PDE4D: variants seen among roughly 807,000 people sequenced by gnomAD.
PDE4D encodes phosphodiesterase 4D.
In PDE4D, 24 loss-of-function variants were observed where a neutral mutation model predicts 87.4. That is an observed-to-expected ratio of 0.27 (90% CI 0.20 to 0.39). The LOEUF is 0.39. Ranked by LOEUF, PDE4D falls within the 10% of genes least tolerant of loss-of-function variation. PDE4D has a pLI of 1.00. For synonymous variants in PDE4D, 384 were observed against 383.2 expected (o/e 1.00, Z -0.02); for missense variants, 714 against 1,041.0 (o/e 0.69, Z 4.32).
At chr5:59,405,296 T>A (rs1035706079) in intron 1 of PDE4D, among the ~76,000 whole-genome samples, 6 of 152,234 alleles carry the variant, frequency 3.9e-5, no homozygotes, top group African/African-American at 1.4e-4. Context: ...CTCTTTCACT[T>A]CTTTCAGTAA....
chr5:59,808,987 T>A (rs1768038324), intron 1 of PDE4D, among the ~76,000 whole-genome samples: 1 of 152,110 alleles, frequency 6.6e-6, no homozygotes, highest in African/African-American at 2.4e-5. Flanking sequence ...TTCTTTTTTT[T>A]GGCAGGGGGG....
intron 1 of PDE4D, among the ~76,000 whole-genome samples, chr5:59,262,797 G>C (rs969891064): frequency 6.6e-6 from 1 of 151,972 alleles, no homozygotes; most frequent in Non-Finnish European, 1.5e-5. Context: ...CAGAAGGTCA[G>C]CATGTCAGTC....
intron 1 of PDE4D, among the ~76,000 whole-genome samples, chr5:59,499,841 C>T (rs1336969368): frequency 1.4e-5 from 2 of 146,336 alleles, no homozygotes; most frequent in African/African-American, 5.0e-5. Flanking sequence ...TTCTACCAGA[C>T]ATACAAATAA....
chr5:60,008,894 C>A (rs766336904), intron 2 of PDE4D, among the ~76,000 whole-genome samples: 1 of 151,930 alleles, frequency 6.6e-6, no homozygotes, highest in Non-Finnish European at 1.5e-5. Context: ...CCCATTTAGT[C>A]TGTCAAGTAA....
At chr5:60,405,488 T>C (rs1178572572) in intron 1 of PDE4D, among the ~76,000 whole-genome samples, 1 of 152,262 alleles carries the variant, frequency 6.6e-6, no homozygotes, top group Non-Finnish European at 1.5e-5. Context: ...ACTGGCCCTG[T>C]CGAGGACTCT....
intron 1 of PDE4D, among the ~76,000 whole-genome samples, chr5:59,231,905 T>A (rs1205720653): frequency 2.6e-5 from 4 of 152,208 alleles, no homozygotes; most frequent in Non-Finnish European, 4.4e-5. Context: ...TACACACAGT[T>A]GTGATTGTTG....
intron 1 of PDE4D, among the ~76,000 whole-genome samples, chr5:59,285,362 C>T (rs1344561916): frequency 6.6e-6 from 1 of 152,050 alleles, no homozygotes; most frequent in African/African-American, 2.4e-5. Flanking sequence ...AGATTTTCTT[C>T]CTGTGCCCTT....
At chr5:60,395,592 G>A (rs969037152) in intron 1 of PDE4D, among the ~76,000 whole-genome samples, 1 of 152,056 alleles carries the variant, frequency 6.6e-6, no homozygotes, top group Non-Finnish European at 1.5e-5. Flanking sequence ...AGAACTAGAA[G>A]TAAATGTAAT....
At chr5:59,447,837 G>T (rs552532537) in intron 1 of PDE4D, among the ~76,000 whole-genome samples, 1 of 152,160 alleles carries the variant, frequency 6.6e-6, no homozygotes, top group Non-Finnish European at 1.5e-5. Context: ...GAGATCTGTG[G>T]CATTTCTAAA....
At chr5:60,085,927 G>A (rs1774469643) in intron 2 of PDE4D, among the ~76,000 whole-genome samples, 1 of 152,114 alleles carries the variant, frequency 6.6e-6, no homozygotes, top group African/African-American at 2.4e-5. Flanking sequence ...CTAAATAGAA[G>A]GGACAGATTG....
chr5:59,210,852 G>A (rs1249735249), intron 2 of PDE4D, among the ~76,000 whole-genome samples: 1 of 152,052 alleles, frequency 6.6e-6, no homozygotes, highest in East Asian at 1.9e-4. Flanking sequence ...TAGTTTGACA[G>A]GTAACTTATA....
intron 1 of PDE4D, among the ~76,000 whole-genome samples, chr5:60,204,618 G>A (rs1387982823): frequency 6.8e-6 from 1 of 146,318 alleles, no homozygotes; most frequent in African/African-American, 2.4e-5. Context: ...TTCCCAAAAT[G>A]TCAGAAATAA....
intron 2 of PDE4D, among the ~76,000 whole-genome samples, chr5:60,002,254 G>A (rs1266652121): frequency 6.6e-6 from 1 of 151,598 alleles, no homozygotes; most frequent in Non-Finnish European, 1.5e-5. Context: ...TAGCAAGTAA[G>A]AAGATTGAAT....
intron 1 of PDE4D, among the ~76,000 whole-genome samples, chr5:60,417,443 GCCAGTAGTA>G (rs1344104539): frequency 6.6e-6 from 1 of 152,188 alleles, no homozygotes; most frequent in Non-Finnish European, 1.5e-5. Flanking sequence ...GCTTAGTAGT[GCCAGTAGTA>G]CCAGTTAATA....
intron 5 of PDE4D, among the ~76,000 whole-genome samples, chr5:59,079,779 G>A (rs1172519019): frequency 6.7e-6 from 1 of 150,184 alleles, no homozygotes; most frequent in Non-Finnish European, 1.5e-5. Flanking sequence ...GTTCAAGGCT[G>A]CAGTAAGCTA....
chr5:59,245,448 G>C (rs905021502), intron 1 of PDE4D, among the ~76,000 whole-genome samples: 7 of 152,098 alleles, frequency 4.6e-5, no homozygotes, highest in African/African-American at 1.7e-4. Flanking sequence ...AAGGCAGCCA[G>C]GAAACTGTTA....
At chr5:60,104,115 G>T (rs1776560648) in intron 2 of PDE4D, among the ~76,000 whole-genome samples, 1 of 152,194 alleles carries the variant, frequency 6.6e-6, no homozygotes, top group South Asian at 2.1e-4. Context: ...GTCAAAGAAA[G>T]GGGTGACAGA....
At chr5:59,648,716 A>G (rs1742879055) in intron 1 of PDE4D, among the ~76,000 whole-genome samples, 1 of 93,790 alleles carries the variant, frequency 1.1e-5, no homozygotes, top group South Asian at 6.1e-4. Flanking sequence ...TAGGCATCTA[A>G]CCTCAAAAAA....
chr5:59,056,528 A>C (rs938216771), intron 5 of PDE4D, among the ~76,000 whole-genome samples: 4 of 152,040 alleles, frequency 2.6e-5, no homozygotes, highest in Non-Finnish European at 5.9e-5. Context: ...GGTTTACTGC[A>C]CCCATCAGCC....
Sources: gnomAD v4.1 joint callset for allele counts (sites outside exome capture counted in the v4.1 genomes callset) on GRCh38, gnomAD v4.1.1 for gene constraint, MANE v1.5 for transcripts, NCBI Gene and HGNC (gene_info 2026-07-23, HGNC 2026-07-21) for gene names.